MORC1: variants seen among roughly 807,000 people sequenced by gnomAD.
MORC1 encodes the protein MORC family CW-type zinc finger protein 1.
In MORC1, 59 loss-of-function variants were observed where a neutral mutation model predicts 134.9. That is an observed-to-expected ratio of 0.44 (90% CI 0.35 to 0.54). The LOEUF (loss-of-function observed/expected upper bound fraction) is 0.54, where lower values mean the gene tolerates loss of function less well. Ranked by LOEUF, MORC1 falls within the 20% of genes least tolerant of loss-of-function variation. The pLI is 0.00. For missense variants in MORC1, 947 were observed against 1,134.5 expected (o/e 0.83, Z 2.37); for synonymous variants, 395 against 391.7 (o/e 1.01, Z -0.10).
chr3:109,089,053 G>C (rs1395019942), intron 8 of MORC1, among the ~76,000 whole-genome samples: 1 of 152,000 alleles, frequency 6.6e-6, no homozygotes, highest in African/African-American at 2.4e-5. Flanking sequence ...ATAGACACTG[G>C]GGTCTTGAGC....
intron 8 of MORC1, among the ~76,000 whole-genome samples, chr3:109,091,214 GA>G (rs1259786475): frequency 1.3e-5 from 2 of 151,812 alleles, no homozygotes; most frequent in African/African-American, 2.4e-5. Context: ...CAGGCTGGGG[GA>G]GTAGATCACC....
At chr3:109,030,681 G>A (rs1359421273) in intron 16 of MORC1, among the ~76,000 whole-genome samples, 1 of 152,160 alleles carries the variant, frequency 6.6e-6, no homozygotes, top group Non-Finnish European at 1.5e-5. Flanking sequence ...TCAGTTTTCT[G>A]TCAACATGGC....
chr3:109,004,705 G>T, intron 20 of MORC1, 112 bp downstream of exon 20: 2 of 1,011,974 alleles, frequency 2.0e-6, no homozygotes, highest in Non-Finnish European at 3.0e-6. Context: ...CAATATGTAT[G>T]ATTTAGTTAA....
intron 9 of MORC1, among the ~76,000 whole-genome samples, chr3:109,067,012 A>C (rs1474953375): frequency 2.6e-5 from 4 of 152,320 alleles, no homozygotes; most frequent in African/African-American, 9.6e-5. Context: ...TACTAGTCTG[A>C]TAGGTGGGTG....
chr3:108,974,092 G>A (rs1489977136), intron 24 of MORC1, among the ~76,000 whole-genome samples: 1 of 151,588 alleles, frequency 6.6e-6, no homozygotes, highest in Non-Finnish European at 1.5e-5. Context: ...TTCAGTGTCT[G>A]TCTCCCTCCT....
chr3:109,043,385 T>C (rs1285106306), intron 14 of MORC1, among the ~76,000 whole-genome samples: 1 of 152,046 alleles, frequency 6.6e-6, no homozygotes, highest in South Asian at 2.1e-4. Flanking sequence ...GAAAGTAGAA[T>C]GGTGGTTGTC....
chr3:108,986,286 T>C (rs534531689), intron 22 of MORC1, among the ~76,000 whole-genome samples: 5 of 151,914 alleles, frequency 3.3e-5, no homozygotes, highest in African/African-American at 7.2e-5. Flanking sequence ...ACTAAGAAAA[T>C]AAAATATTTT....
At chr3:109,117,395 T>C (rs1951297310) in intron 1 of MORC1, among the ~76,000 whole-genome samples, 1 of 147,364 alleles carries the variant, frequency 6.8e-6, no homozygotes, top group Admixed American at 6.7e-5. Flanking sequence ...GTGAATTAAA[T>C]AGCACTAACT....
At chr3:109,081,738 C>T (rs62274689) in intron 8 of MORC1, among the ~76,000 whole-genome samples, 29,655 of 152,084 alleles carry the variant, frequency 0.19, 3,379 homozygotes, top group Middle Eastern at 0.32. Flanking sequence ...CAGGCGTGAG[C>T]CACTGCGCCC....
chr3:108,969,540 A>T, intron 26 of MORC1, 129 bp downstream of exon 26: 1 of 864,784 alleles, frequency 1.2e-6, no homozygotes, highest in Non-Finnish European at 1.9e-6. Flanking sequence ...CTATACATTA[A>T]TCTAAGTCTC....
At chr3:109,024,683 A>G (rs1166698057) in intron 17 of MORC1, among the ~76,000 whole-genome samples, 1 of 152,220 alleles carries the variant, frequency 6.6e-6, no homozygotes, top group Non-Finnish European at 1.5e-5. Context: ...ATGGAGGAAG[A>G]GAAAACAGGA....
chr3:109,061,821 T>G (rs1294969201), intron 11 of MORC1, among the ~76,000 whole-genome samples, 167 bp downstream of exon 11: 1 of 152,168 alleles, frequency 6.6e-6, no homozygotes, highest in East Asian at 1.9e-4. Context: ...TCCTCTCCTT[T>G]CTCTGAACTC....
chr3:109,013,849 C>T (rs2107558453), intron 17 of MORC1, among the ~76,000 whole-genome samples: 1 of 152,140 alleles, frequency 6.6e-6, no homozygotes, highest in South Asian at 2.1e-4. Context: ...TGGATTAATG[C>T]CAATTATTAC....
intron 14 of MORC1, among the ~76,000 whole-genome samples, chr3:109,038,064 G>C (rs1238279188): frequency 4.6e-5 from 7 of 152,178 alleles, no homozygotes; most frequent in African/African-American, 1.7e-4. Flanking sequence ...CACCAACAGT[G>C]TAAAAGCATT....
chr3:108,984,588 A>C, intron 23 of MORC1, 128 bp downstream of exon 23: 1 of 642,956 alleles, frequency 1.6e-6, no homozygotes, highest in Non-Finnish European at 2.5e-6. Context: ...TCTGTTGTAA[A>C]ATTTGGTTCC....
intron 3 of MORC1, among the ~76,000 whole-genome samples, chr3:109,105,307 G>A (rs1361859169): frequency 4.6e-5 from 7 of 152,154 alleles, no homozygotes; most frequent in East Asian, 1.9e-4. Context: ...GGCGGATCAC[G>A]AGGTCGAGAG....
chr3:109,021,093 AG>A (rs1481522198), intron 17 of MORC1, among the ~76,000 whole-genome samples: 1 of 152,154 alleles, frequency 6.6e-6, no homozygotes, highest in Admixed American at 6.5e-5. Context: ...CTTCCTTGAC[AG>A]GGGAGCAGCG....
At chr3:109,007,806 A>G (rs1948581368) in intron 17 of MORC1, among the ~76,000 whole-genome samples, 1 of 152,212 alleles carries the variant, frequency 6.6e-6, no homozygotes, top group African/African-American at 2.4e-5. Context: ...TTAGAAGTAT[A>G]TTAAAATGAA....
intron 14 of MORC1, among the ~76,000 whole-genome samples, chr3:109,043,932 A>C (rs1439911533): frequency 6.6e-6 from 1 of 152,222 alleles, no homozygotes; most frequent in Non-Finnish European, 1.5e-5. Flanking sequence ...TTAACTCCAA[A>C]ATTATAAATT....
Sources: gnomAD v4.1 joint callset for allele counts (sites outside exome capture counted in the v4.1 genomes callset) on GRCh38, gnomAD v4.1.1 for gene constraint, MANE v1.5 for transcripts, NCBI Gene and HGNC (gene_info 2026-07-23, HGNC 2026-07-21) for gene names.